Variants in ATOH8 observed in about 807,000 individuals in gnomAD.
The protein encoded by ATOH8 is atonal bHLH transcription factor 8, also known as transcription factor ATOH8.
Under a neutral mutation model 21.2 loss-of-function variants are expected in ATOH8, and 9 were observed. The ratio of observed to expected loss-of-function variants is 0.42; its 90% CI spans 0.26 to 0.74. ATOH8 has a LOEUF of 0.74. Among genes scored for constraint, ATOH8 ranks in the 30% least tolerant of loss-of-function variants. The probability of loss-of-function intolerance (pLI) is 0.24; values close to 1 mark genes in which losing one functional copy is unlikely to be tolerated. For synonymous variants in ATOH8, 253 were observed against 224.0 expected, an observed-to-expected ratio of 1.13 and a Z score of -1.16; for missense variants, 524 against 470.9, an observed-to-expected ratio of 1.11 and a Z score of -1.04.
chr2:85,774,390 C>T, intron 2 of ATOH8: 1 of 985,618 alleles, frequency 1.0e-6, no homozygotes, highest in African/African-American at 1.7e-5. Flanking sequence ...TGGCTCCCCA[C>T]ATCCCATCCT....
rs1283336917 is a variant in ATOH8 at position 85,791,284 on chromosome 2, C to A, written c.*4394C>A. On this transcript the variant is annotated 3_prime_UTR_variant, in exon 3 of 3. Transcript: ENST00000306279. The stretch of plus-strand genomic sequence containing the variant: ...AATTCCTGGAGATCAAAGTTTGGAT[C>A]TAATTCAACCCCTGATCCTCGAAAC... Among the ~76,000 whole-genome samples, 1 of 152,224 alleles carries A rather than the reference C, an allele frequency of 6.6e-6. No homozygotes were observed. Among genetic ancestry groups the A allele is most frequent in the African/African-American group, 2.4e-5 (1 of 41,462 alleles).
Position 85,754,632 on chromosome 2 carries a change from C to T in ATOH8, c.443C>T (p.Pro148Leu), listed in dbSNP as rs1163241979. The stretch of plus-strand genomic sequence containing the variant: ...CCAGAGGCACAGCCTTTCCGGGAGC[C>T]GGGTCTGCGTCCTCGCATCTTGCTG... ...GGPEAQPFRE[P>L]GLRPRILLCA... is the part of the protein sequence containing the mutation. Residue 148 changes from proline to leucine, a missense_variant, in exon 1 of 3, where the codon CCG (proline) becomes CTG (leucine). Physicochemically the swap from Pro to Leu is moderately conservative, Grantham distance 98 (BLOSUM62 -3). Coordinates refer to ENST00000306279, the MANE Select transcript of ATOH8 (RefSeq NM_032827.7). The T allele has an allele frequency of 6.6e-7, 1 of 1,509,444 alleles. No homozygotes were observed. The highest frequency in any genetic ancestry group is 8.8e-7 in the Non-Finnish European group (1 of 1,134,082). 93.5% of individuals were successfully genotyped at this position (1,509,444 alleles called of 1,614,324 possible). A position where few individuals can be genotyped will look rare whatever the true frequency, so the allele number is the denominator to read the frequency against.
chr2:85,772,877 C>T lies in ATOH8; in HGVS notation c.960+8695C>T, dbSNP rs1014152479. 2.4e-5 allele frequency: 11 copies of T among 450,272 alleles called. No individual in the cohort carries two copies. The East Asian group carries it at 7.7e-4, about 31-fold the overall frequency. 27.9% of individuals were successfully genotyped at this position (450,272 alleles called of 1,614,324 possible). A position where few individuals can be genotyped will look rare whatever the true frequency, so the allele number is the denominator to read the frequency against. Reference sequence around the variant, plus strand: ...CTCACATCAGTTGTGACTTTTCTTCCTCCTCTGCGAGCCCGAAGGCCACCT... The same window carrying T: ...CTCACATCAGTTGTGACTTTTCTTCTTCCTCTGCGAGCCCGAAGGCCACCT... On this transcript the variant is annotated intron_variant, in intron 2 of 2. Coordinates refer to ENST00000306279, the MANE Select transcript of ATOH8 (RefSeq NM_032827.7).
At chr2:85,772,455 G>T (rs966339248) in intron 2 of ATOH8, among the ~76,000 whole-genome samples, 2 of 151,922 alleles carry the variant, frequency 1.3e-5, no homozygotes, top group African/African-American at 2.4e-5. Flanking sequence ...CCGAGCGCTC[G>T]CTGGGAAGGC....
Position 85,789,961 on chromosome 2 carries a change from A to G in ATOH8, c.*3071A>G, listed in dbSNP as rs1322341596. The stretch of plus-strand genomic sequence containing the variant: ...CATGCATACTCTCTCTCATGGGCAC[A>G]TGCATACCCACACACACACTCGTGT... On this transcript the variant is annotated 3_prime_UTR_variant, in exon 3 of 3. Transcript: ENST00000306279. 8.2e-6 allele frequency among the ~76,000 whole-genome samples: 1 copy of G among 121,426 alleles called. No individual in the cohort carries two copies. The highest frequency in any genetic ancestry group is 2.0e-4 in the East Asian group (1 of 5,110). 79.7% of individuals were successfully genotyped at this position (121,426 alleles called of 152,430 possible).
chr2:85,768,057 C>T (rs574363976), intron 2 of ATOH8, among the ~76,000 whole-genome samples: 6 of 152,282 alleles, frequency 3.9e-5, no homozygotes, highest in African/African-American at 9.6e-5. Flanking sequence ...GGGACAGGAG[C>T]GTGGGCCCAG....
At chr2:85,770,974 G>T (rs1321018317) in intron 2 of ATOH8, among the ~76,000 whole-genome samples, 2 of 152,092 alleles carry the variant, frequency 1.3e-5, no homozygotes, top group Admixed American at 1.3e-4. Flanking sequence ...TGCCCTAACT[G>T]ACCACACTGG....
intron 2 of ATOH8, chr2:85,774,094 G>T: frequency 1.0e-6 from 1 of 985,418 alleles, no homozygotes; most frequent in Non-Finnish European, 1.2e-6. Flanking sequence ...GTGGCATAAA[G>T]GACGTAATAT....
At chr2:85,763,763 A>G (rs1489117934) in intron 1 of ATOH8, among the ~76,000 whole-genome samples, 1 of 151,856 alleles carries the variant, frequency 6.6e-6, no homozygotes, top group African/African-American at 2.4e-5. Flanking sequence ...CATAAGCCAA[A>G]CCTGTTTCTT....
intron 1 of ATOH8, among the ~76,000 whole-genome samples, chr2:85,755,491 A>G (rs1283662774): frequency 2.0e-5 from 3 of 152,276 alleles, no homozygotes; most frequent in Non-Finnish European, 4.4e-5. Flanking sequence ...AACCCGCGCT[A>G]CAAGCCTGTG....
intron 2 of ATOH8, chr2:85,773,683 G>T (rs779004060): frequency 6.6e-6 from 1 of 152,192 alleles, no homozygotes; most frequent in Admixed American, 6.5e-5. Flanking sequence ...TCATTGACAC[G>T]GCTGTGGGTG....
intron 2 of ATOH8, among the ~76,000 whole-genome samples, chr2:85,770,113 C>T (rs1216772481): frequency 6.6e-6 from 1 of 152,148 alleles, no homozygotes; most frequent in Non-Finnish European, 1.5e-5. Context: ...GTTCAGAGAG[C>T]GTGGATCATG....
In ATOH8 at chr2:85,789,537, G is replaced by A. The variant is rs1334953578; in HGVS notation, c.*2647G>A. ...GAGTAAAAGCTTTCTGAGCAGGGGA[G>A]TAGGAAAAGGGCTTTCTATGCAGAG... On this transcript the variant is annotated 3_prime_UTR_variant, in exon 3 of 3. Coordinates refer to ENST00000306279, the MANE Select transcript of ATOH8 (RefSeq NM_032827.7). 6.6e-6 allele frequency among the ~76,000 whole-genome samples: 1 copy of A among 152,210 alleles called. No individual in the cohort carries two copies. The highest frequency in any genetic ancestry group is 1.5e-5 in the Non-Finnish European group (1 of 68,034).
intron 2 of ATOH8, among the ~76,000 whole-genome samples, chr2:85,783,936 A>G (rs1184791229): frequency 6.6e-6 from 1 of 151,532 alleles, no homozygotes; most frequent in Non-Finnish European, 1.5e-5. Context: ...TGATTGGTCC[A>G]GGGGAATAAA....
chr2:85,764,320 C>G, intron 2 of ATOH8, 138 bp downstream of exon 2: 3 of 1,127,708 alleles, frequency 2.7e-6, no homozygotes, highest in Non-Finnish European at 2.5e-6. Flanking sequence ...TGGGAGTTGC[C>G]TCAGCTTCAG....
intron 2 of ATOH8, among the ~76,000 whole-genome samples, chr2:85,770,300 A>G (rs1010002692): frequency 1.2e-4 from 18 of 152,126 alleles, no homozygotes; most frequent in African/African-American, 4.1e-4. Flanking sequence ...CCCAGCTCCT[A>G]CTGCTTCCCT....
At chr2:85,782,283 A>G (rs576293950) in intron 2 of ATOH8, among the ~76,000 whole-genome samples, 14 of 152,364 alleles carry the variant, frequency 9.2e-5, no homozygotes, top group African/African-American at 3.4e-4. Flanking sequence ...CAAAAAATGT[A>G]TAATTTGAAA....
At position 85,781,086 on chromosome 2, in the gene ATOH8, G is replaced by C. The variant is rs566315886; in HGVS notation, c.961-5799G>C. The C allele has an allele frequency of 8.1e-6, 8 of 988,046 alleles. No homozygotes were observed. In the South Asian group the frequency reaches 3.7e-4, roughly 46 times the overall value. The allele number at this position is 988,046 out of a possible 1,614,324, so 61.2% of individuals were successfully genotyped here. On this transcript the variant is annotated intron_variant, in intron 2 of 2. Coordinates refer to ENST00000306279, the MANE Select transcript of ATOH8 (RefSeq NM_032827.7). ...ATCTGTCAAACGCAAGGATGTCCAG[G>C]CTTGAGTGTTAAAGAAAACACCAGT...
rs747977249 is a variant in ATOH8, at chr2:85,754,840, G to T, written c.651G>T (p.Ala217=). 12 of 1,612,468 alleles carry T rather than the reference G, an allele frequency of 7.4e-6. No individual in the cohort carries two copies. In the South Asian group the frequency reaches 8.8e-5, roughly 12 times the overall value. ...CGCCTAGGAAACGACCGGGCGAAGCGACTGCCGCCTCCTCCGAGATCAAAG... is the reference window on the plus strand; with the variant it reads ...CGCCTAGGAAACGACCGGGCGAAGCTACTGCCGCCTCCTCCGAGATCAAAG... ...SASPRKRPGE[A]TAASSEIKAL... is the part of the protein sequence containing the mutation. The change falls in exon 1 of 3, where the codon GCG becomes GCT. Residue 217 remains alanine (A), a synonymous_variant. Transcript: ENST00000306279.
Sources: gnomAD v4.1 joint callset for allele counts (sites outside exome capture counted in the v4.1 genomes callset) on GRCh38, gnomAD v4.1.1 for gene constraint, MANE v1.5 for transcripts, NCBI Gene and HGNC (gene_info 2026-07-23, HGNC 2026-07-21) for gene names.